The following FTO variants were observed in gnomAD, a reference collection of about 807,000 sequenced individuals.
FTO encodes the protein alpha-ketoglutarate-dependent dioxygenase FTO.
A neutral mutation model predicts 63.9 loss-of-function variants in FTO; 47 were observed. That is an observed-to-expected ratio of 0.74 (90% CI 0.58 to 0.94). The LOEUF (loss-of-function observed/expected upper bound fraction) is 0.94. Ranked by LOEUF, FTO falls within the 40% of genes least tolerant of loss-of-function variation. FTO has a pLI of 0.00. For missense variants in FTO, 562 were observed against 618.1 expected (o/e 0.91, Z 0.96); for synonymous variants, 207 against 224.4 (o/e 0.92, Z 0.69).
intron 1 of FTO, among the ~76,000 whole-genome samples, chr16:53,773,695 T>C (rs2077396057): frequency 6.6e-6 from 1 of 152,194 alleles, no homozygotes; most frequent in Non-Finnish European, 1.5e-5. Context: ...CGCACATTTG[T>C]TCAGAATAGG....
rs75212407 is a variant in FTO, at chr16:53,743,929, C to G, written c.45+39700C>G. Among the ~76,000 whole-genome samples the G allele has an allele frequency of 9.8e-3, 1,487 of 152,024 alleles. 22 individuals carry two copies. Among genetic ancestry groups the G allele is most frequent in the East Asian group, 0.04 (206 of 5,160 alleles). On this transcript the variant is annotated intron_variant, in intron 1 of 8. Transcript: ENST00000471389. ...GTTGTTAATTCATTATAGTTGTGGGCAGAGTTTTGACTTAAGTCAATATAT... is the reference window on the plus strand; with the variant it reads ...GTTGTTAATTCATTATAGTTGTGGGGAGAGTTTTGACTTAAGTCAATATAT...
chr16:54,032,025 T>C lies in FTO; in HGVS notation c.1365-79737T>C, dbSNP rs574914035. On this transcript the variant is annotated intron_variant, in intron 8 of 8. Transcript: ENST00000471389. The stretch of plus-strand genomic sequence containing the variant: ...AACTTAGACCAATATATGGGAGGCA[T>C]CAAAAGATGGCTCCATTCTGGGAAG... 4.6e-5 allele frequency among the ~76,000 whole-genome samples: 7 copies of C among 152,268 alleles called. No homozygotes were observed. The East Asian group carries it at 1.4e-3, about 29-fold the overall frequency.
rs111853656 is a variant in FTO, at chr16:53,846,727, G to T, written c.895+2429G>T. ...TGAGGCATGAGAATTGCTTGAACCCGGGAGGTGGAAGTTGCAGGGAGCTGA... is the reference window on the plus strand; with the variant it reads ...TGAGGCATGAGAATTGCTTGAACCCTGGAGGTGGAAGTTGCAGGGAGCTGA... On this transcript the variant is annotated intron_variant, in intron 4 of 8. Coordinates refer to ENST00000471389, the MANE Select transcript of FTO (RefSeq NM_001080432.3). Among the ~76,000 whole-genome samples the T allele has an allele frequency of 2.0e-5, 3 of 151,594 alleles. No individual in the cohort carries two copies. The East Asian group carries it at 5.8e-4, about 29-fold the overall frequency.
chr16:54,108,960 C>G lies in FTO; in HGVS notation c.1365-2802C>G, dbSNP rs577155026. Among the ~76,000 whole-genome samples, 25 of 152,282 alleles carry G rather than the reference C, an allele frequency of 1.6e-4. 1 individual carries two copies. In the East Asian group the frequency reaches 4.3e-3, roughly 26 times the overall value. ...TGACCTGAGCAAAAGAAATGAAACC[C>G]TAAAGGGGGACAGATGTGCCTTCCA... On this transcript the variant is annotated intron_variant, in intron 8 of 8. Transcript: ENST00000471389.
intron 4 of FTO, among the ~76,000 whole-genome samples, chr16:53,854,731 G>T (rs1050589098): frequency 6.6e-6 from 1 of 152,030 alleles, no homozygotes; most frequent in African/African-American, 2.4e-5. Context: ...CTCCAGATTT[G>T]TTCTATTTGT....
intron 8 of FTO, among the ~76,000 whole-genome samples, chr16:54,062,669 G>C (rs559429382): frequency 6.6e-6 from 1 of 152,340 alleles, no homozygotes; most frequent in East Asian, 1.9e-4. Context: ...AGGCGAGGTA[G>C]TGTCACTCTG....
intron 4 of FTO, among the ~76,000 whole-genome samples, chr16:53,848,940 C>T (rs1157087578): frequency 3.3e-5 from 5 of 152,180 alleles, no homozygotes; most frequent in African/African-American, 1.2e-4. Context: ...ACATTTGTTT[C>T]TTAAGCACAA....
At chr16:53,712,874 T>G (rs2075807835) in intron 1 of FTO, among the ~76,000 whole-genome samples, 1 of 152,152 alleles carries the variant, frequency 6.6e-6, no homozygotes, top group Admixed American at 6.5e-5. Flanking sequence ...GCTAATGAGA[T>G]TTACTGTGGC....
intron 8 of FTO, among the ~76,000 whole-genome samples, chr16:54,051,522 T>C (rs1270275268): frequency 6.6e-6 from 1 of 152,128 alleles, no homozygotes; most frequent in Non-Finnish European, 1.5e-5. Context: ...GCACAGGTGA[T>C]AGGTAGTCTT....
intron 1 of FTO, among the ~76,000 whole-genome samples, chr16:53,719,250 CTTCTTTTTT>C (rs1235313077): frequency 1.2e-5 from 1 of 85,978 alleles, no homozygotes; most frequent in Non-Finnish European, 2.4e-5. Context: ...TTTTCTTCTT[CTTCTTTTTT>C]TTTTTTTTTT....
intron 3 of FTO, among the ~76,000 whole-genome samples, chr16:53,834,245 TG>T (rs2079226911): frequency 6.6e-6 from 1 of 152,058 alleles, no homozygotes; most frequent in Non-Finnish European, 1.5e-5. Flanking sequence ...AGGATGGTCT[TG>T]ATCTCCTGAC....
chr16:53,938,423 C>T (rs1361096710), intron 8 of FTO, among the ~76,000 whole-genome samples: 3 of 152,196 alleles, frequency 2.0e-5, no homozygotes, highest in African/African-American at 2.4e-5. Context: ...CCCAGTTTCT[C>T]ATGAACATAG....
intron 8 of FTO, among the ~76,000 whole-genome samples, chr16:54,062,725 C>T (rs1226738224): frequency 6.6e-6 from 1 of 152,164 alleles, no homozygotes; most frequent in Non-Finnish European, 1.5e-5. Context: ...ATTTGTGGCA[C>T]TCTGGGGACA....
At chr16:53,991,434 A>G (rs2083808296) in intron 8 of FTO, 1 of 152,168 alleles carries the variant, frequency 6.6e-6, no homozygotes, top group Non-Finnish European at 1.5e-5. Context: ...AGAGTATCAG[A>G]TCGTGTTTCA....
At chr16:54,063,709 T>C (rs1260999333) in intron 8 of FTO, 6 of 151,722 alleles carry the variant, frequency 4.0e-5, no homozygotes, top group African/African-American at 1.5e-4. Flanking sequence ...TTTTTTTTTT[T>C]TCAGTAGAAT....
intron 8 of FTO, among the ~76,000 whole-genome samples, chr16:54,099,435 C>G (rs561711150): frequency 6.6e-6 from 1 of 152,162 alleles, no homozygotes; most frequent in African/African-American, 2.4e-5. Flanking sequence ...GCTGGGGAAC[C>G]CAACCCGGCC....
At chr16:53,761,475 A>C (rs950314056) in intron 1 of FTO, among the ~76,000 whole-genome samples, 2 of 152,154 alleles carry the variant, frequency 1.3e-5, no homozygotes, top group African/African-American at 4.8e-5. Flanking sequence ...TGAATCCACC[A>C]TGTTAGAATG....
chr16:53,962,442 C>T (rs1466573615), intron 8 of FTO, among the ~76,000 whole-genome samples: 1 of 152,132 alleles, frequency 6.6e-6, no homozygotes, highest in Admixed American at 6.5e-5. Context: ...TTTGTCACCT[C>T]CCTACTAGGA....
intron 4 of FTO, among the ~76,000 whole-genome samples, chr16:53,857,386 T>A (rs999232240): frequency 6.6e-6 from 1 of 152,148 alleles, no homozygotes; most frequent in Non-Finnish European, 1.5e-5. Context: ...GGCTTCTAGC[T>A]GCTTATGTCA....
Sources: gnomAD v4.1 joint callset for allele counts (sites outside exome capture counted in the v4.1 genomes callset) on GRCh38, gnomAD v4.1.1 for gene constraint, MANE v1.5 for transcripts, NCBI Gene and HGNC (gene_info 2026-07-23, HGNC 2026-07-21) for gene names.